PRKAR2B: variants seen among roughly 807,000 people sequenced by gnomAD.
The protein encoded by PRKAR2B is protein kinase cAMP-dependent type II regulatory subunit beta.
A neutral mutation model predicts 49.9 loss-of-function variants in PRKAR2B; 14 were observed. The observed-to-expected ratio is 0.28, with a 90% confidence interval of 0.19 to 0.44. The LOEUF (loss-of-function observed/expected upper bound fraction) is 0.44, where lower values mean the gene tolerates loss of function less well. PRKAR2B is among the 20% of genes least tolerant of loss of function. The pLI, the probability that PRKAR2B is intolerant of heterozygous loss-of-function variation, is 1.00. For missense variants in PRKAR2B, 393 were observed against 537.9 expected (o/e 0.73, Z 2.67); for synonymous variants, 196 against 197.7 (o/e 0.99, Z 0.07).
intron 1 of PRKAR2B, among the ~76,000 whole-genome samples, chr7:107,049,871 G>A (rs1425349326): frequency 3.3e-5 from 5 of 152,054 alleles, no homozygotes; most frequent in African/African-American, 7.2e-5. Flanking sequence ...TCCTGAAATG[G>A]ATTAAATCAT....
intron 2 of PRKAR2B, among the ~76,000 whole-genome samples, chr7:107,096,967 T>C (rs763609014): frequency 3.3e-5 from 5 of 152,222 alleles, no homozygotes; most frequent in Non-Finnish European, 7.3e-5. Flanking sequence ...GATGTGGTGC[T>C]GAGAAGAATG....
chr7:107,050,240 A>G (rs1158317369), intron 1 of PRKAR2B, among the ~76,000 whole-genome samples: 1 of 151,964 alleles, frequency 6.6e-6, no homozygotes, highest in Non-Finnish European at 1.5e-5. Context: ...CATACAATGG[A>G]AACACCTAAA....
At chr7:107,095,537 A>AT (rs1299888880) in intron 2 of PRKAR2B, among the ~76,000 whole-genome samples, 10 of 152,192 alleles carry the variant, frequency 6.6e-5, no homozygotes, top group African/African-American at 2.4e-4. Flanking sequence ...TTCCAACACT[A>AT]TATTGAATAG....
chr7:107,101,814 A>G lies in PRKAR2B; in HGVS notation c.344-20138A>G, dbSNP rs541131022. 6.1e-4 allele frequency among the ~76,000 whole-genome samples: 87 copies of G among 143,194 alleles called. 3 individuals are homozygous for G. In the South Asian group the frequency reaches 0.019, roughly 31 times the overall value. The allele number at this position is 143,194 out of a possible 152,430, so 93.9% of individuals were successfully genotyped here. A position where few individuals can be genotyped will look rare whatever the true frequency, so the allele number is the denominator to read the frequency against. ...CTGTCCTAACTCAAAATCAGTAGCTATTTTTATGAATAAATTCTTAATTTG... is the reference window on the plus strand; with the variant it reads ...CTGTCCTAACTCAAAATCAGTAGCTGTTTTTATGAATAAATTCTTAATTTG... On this transcript the variant is annotated intron_variant, in intron 2 of 10. Transcript: ENST00000265717.
intron 1 of PRKAR2B, among the ~76,000 whole-genome samples, chr7:107,063,355 C>A (rs922790436): frequency 6.6e-6 from 1 of 152,122 alleles, no homozygotes; most frequent in Non-Finnish European, 1.5e-5. Flanking sequence ...ATTGCTTCAG[C>A]ATTTTTGAAC....
chr7:107,123,469 T>C (rs1382763836), intron 3 of PRKAR2B, among the ~76,000 whole-genome samples: 2 of 152,336 alleles, frequency 1.3e-5, no homozygotes, highest in Non-Finnish European at 2.9e-5. Context: ...GGAGATCATA[T>C]TGAACTGCAG....
intron 8 of PRKAR2B, among the ~76,000 whole-genome samples, chr7:107,153,623 G>T (rs1796027632): frequency 6.6e-6 from 1 of 152,168 alleles, no homozygotes; most frequent in African/African-American, 2.4e-5. Flanking sequence ...TCCTGAGGCT[G>T]CTCCTTGATA....
intron 2 of PRKAR2B, among the ~76,000 whole-genome samples, chr7:107,084,997 A>T (rs942569152): frequency 2.0e-5 from 3 of 152,176 alleles, no homozygotes; most frequent in African/African-American, 7.2e-5. Flanking sequence ...GGAGATGCTA[A>T]CAACTGAGGA....
intron 1 of PRKAR2B, among the ~76,000 whole-genome samples, chr7:107,063,987 G>T (rs1794079128): frequency 6.6e-6 from 1 of 152,138 alleles, no homozygotes; most frequent in Admixed American, 6.5e-5. Context: ...AGACAGTTTT[G>T]TGTATGGAGA....
At chr7:107,122,667 C>T (rs1795409629) in intron 3 of PRKAR2B, among the ~76,000 whole-genome samples, 1 of 152,052 alleles carries the variant, frequency 6.6e-6, no homozygotes, top group African/African-American at 2.4e-5. Context: ...CCTCTTGTTT[C>T]TTTGGCCTTA....
At chr7:107,097,109 G>T (rs942342860) in intron 2 of PRKAR2B, among the ~76,000 whole-genome samples, 2 of 152,132 alleles carry the variant, frequency 1.3e-5, no homozygotes, top group African/African-American at 4.8e-5. Flanking sequence ...TGACAGTGGG[G>T]TGTTAAAGTC....
At chr7:107,124,473 G>C (rs1379792940) in intron 3 of PRKAR2B, among the ~76,000 whole-genome samples, 1 of 152,166 alleles carries the variant, frequency 6.6e-6, no homozygotes, top group East Asian at 1.9e-4. Flanking sequence ...AAGAAACAGT[G>C]AAACAGTGTA....
In PRKAR2B at chr7:107,059,890, G is replaced by A. The variant is rs369847243; in HGVS notation, c.308-10391G>A. On this transcript the variant is annotated intron_variant, in intron 1 of 10. Coordinates refer to ENST00000265717, the MANE Select transcript of PRKAR2B (RefSeq NM_002736.3). The stretch of plus-strand genomic sequence containing the variant: ...TTTTTTTCTCTCATGCTCTCAGCGT[G>A]ATAGCTTACGGTGGAGTTTTCCAGA... Among the ~76,000 whole-genome samples the A allele has an allele frequency of 3.6e-4, 55 of 152,176 alleles. 3 individuals are homozygous for A. In the South Asian group the frequency reaches 0.011, roughly 31 times the overall value.
intron 2 of PRKAR2B, among the ~76,000 whole-genome samples, chr7:107,076,746 A>T (rs1291817716): frequency 2.0e-5 from 3 of 152,156 alleles, no homozygotes; most frequent in Non-Finnish European, 4.4e-5. Context: ...ACAGAACTAA[A>T]ATTTTATAAT....
intron 3 of PRKAR2B, among the ~76,000 whole-genome samples, chr7:107,127,547 T>A (rs1795520319): frequency 6.6e-6 from 1 of 152,224 alleles, no homozygotes; most frequent in South Asian, 2.1e-4. Flanking sequence ...TTCCTTGAGT[T>A]CCTTCTGAAA....
intron 1 of PRKAR2B, among the ~76,000 whole-genome samples, chr7:107,051,544 T>G (rs980089255): frequency 1.3e-5 from 2 of 152,202 alleles, no homozygotes; most frequent in African/African-American, 4.8e-5. Context: ...GAGCGAATTT[T>G]GTGCTTCACA....
chr7:107,143,672 CCA>C (rs1198616772), intron 5 of PRKAR2B, among the ~76,000 whole-genome samples: 3 of 152,194 alleles, frequency 2.0e-5, no homozygotes, highest in Non-Finnish European at 2.9e-5. Context: ...TGCTGAACAA[CCA>C]CAGATTGTCC....
At chr7:107,153,476 C>T (rs1474604686) in intron 8 of PRKAR2B, among the ~76,000 whole-genome samples, 5 of 151,718 alleles carry the variant, frequency 3.3e-5, no homozygotes, top group Non-Finnish European at 7.4e-5. Flanking sequence ...TGTATTAAAC[C>T]ATCAAATGGT....
At chr7:107,157,429 T>C (rs1479040405) in intron 10 of PRKAR2B, 105 bp downstream of exon 10, 3 of 1,366,098 alleles carry the variant, frequency 2.2e-6, no homozygotes, top group Non-Finnish European at 2.0e-6. Flanking sequence ...GGTTTTGTGG[T>C]CCCCACAAAA....
Sources: allele counts gnomAD v4.1 joint callset (sites outside exome capture counted in the v4.1 genomes callset), GRCh38; gene constraint gnomAD v4.1.1; transcripts MANE v1.5; gene names NCBI Gene and HGNC (gene_info 2026-07-23, HGNC 2026-07-21).